Variants in FNDC3A observed in about 807,000 individuals in gnomAD.
FNDC3A encodes the protein fibronectin type III domain containing 3A.
A neutral mutation model predicts 148.9 loss-of-function variants in FNDC3A; 32 were observed. The ratio of observed to expected loss-of-function variants is 0.21; its 90% CI spans 0.16 to 0.29. The LOEUF is 0.29. FNDC3A is among the 10% of genes least tolerant of loss of function. The pLI is 1.00. For synonymous variants in FNDC3A, 472 were observed against 473.6 expected (o/e 1.00, Z 0.04); for missense variants, 1,191 against 1,452.8 (o/e 0.82, Z 2.93).
intron 1 of FNDC3A, among the ~76,000 whole-genome samples, chr13:48,992,164 T>C (rs1951933272): frequency 6.6e-6 from 1 of 152,176 alleles, no homozygotes; most frequent in African/African-American, 2.4e-5. Context: ...CCCCTCTCAA[T>C]GGAAAGTAGA....
intron 8 of FNDC3A, 169 bp downstream of exon 8, chr13:49,146,104 A>G: frequency 1.8e-6 from 1 of 552,010 alleles, no homozygotes; most frequent in Non-Finnish European, 3.1e-6. Flanking sequence ...AGCTTGGTAC[A>G]CATTTCTGTC....
intron 16 of FNDC3A, among the ~76,000 whole-genome samples, chr13:49,188,202 G>A (rs1361543694): frequency 6.6e-6 from 1 of 152,058 alleles, no homozygotes; most frequent in Non-Finnish European, 1.5e-5. Flanking sequence ...TGTACTCTTT[G>A]TATGCTATAA....
intron 11 of FNDC3A, among the ~76,000 whole-genome samples, chr13:49,173,628 G>A (rs1006337915): frequency 6.6e-6 from 1 of 152,136 alleles, no homozygotes; most frequent in Non-Finnish European, 1.5e-5. Context: ...ATGGTGTCTG[G>A]CTCGGGGCAA....
intron 2 of FNDC3A, among the ~76,000 whole-genome samples, chr13:49,070,525 G>A (rs144890899): frequency 1.1e-4 from 16 of 152,144 alleles, no homozygotes; most frequent in Admixed American, 5.2e-4. Flanking sequence ...GATCAAATTA[G>A]GATAATTGGG....
intron 1 of FNDC3A, among the ~76,000 whole-genome samples, chr13:48,989,320 C>T (rs1050832628): frequency 1.3e-5 from 2 of 152,144 alleles, no homozygotes. Flanking sequence ...GTTCAAATTA[C>T]TGAGTCTGCA....
Position 49,178,583 on chromosome 13 carries a change from C to T in FNDC3A, c.1546C>T (p.Pro516Ser). Residue 516 changes from proline to serine, a missense_variant, in exon 14 of 26, where the codon CCT becomes TCT. Physicochemically the swap from Pro to Ser is moderately conservative, Grantham distance 74 (BLOSUM62 -1). Transcript: ENST00000492622. ...EEETSGYGFK[P>S]KYDGEDLAYT... ...CCTTTTCCAGGGATATGGTTTTAAGCCTAAATATGATGGAGAAGATCTTGC... is the reference window on the plus strand; with the variant it reads ...CCTTTTCCAGGGATATGGTTTTAAGTCTAAATATGATGGAGAAGATCTTGC... The T allele has an allele frequency of 6.3e-7, 1 of 1,592,900 alleles. No individual in the cohort carries two copies. Among genetic ancestry groups the T allele is most frequent in the Non-Finnish European group, 8.6e-7 (1 of 1,168,108 alleles).
intron 8 of FNDC3A, among the ~76,000 whole-genome samples, chr13:49,154,409 G>C (rs1399916164): frequency 6.8e-6 from 1 of 147,476 alleles, no homozygotes; most frequent in African/African-American, 2.5e-5. Context: ...TCAGCTTAAG[G>C]AGATTTTGGG....
rs190130507 is a variant in FNDC3A at position 49,186,215 on chromosome 13, A to G, written c.1756+113A>G. The stretch of plus-strand genomic sequence containing the variant: ...TAAATTTGTTATCTCAAGCCAGTCC[A>G]AAAAGAAATGTGAGAGTCATTCATT... On this transcript the variant is annotated intron_variant, in intron 15 of 25. Transcript: ENST00000492622. 157 of 859,292 alleles carry G rather than the reference A, an allele frequency of 1.8e-4. No homozygotes were observed. In the African/African-American group the frequency reaches 2.4e-3, roughly 13 times the overall value. 53.2% of individuals were successfully genotyped at this position (859,292 alleles called of 1,614,324 possible). A position where few individuals can be genotyped will look rare whatever the true frequency, so the allele number is the denominator to read the frequency against.
intron 2 of FNDC3A, among the ~76,000 whole-genome samples, chr13:49,010,450 C>T (rs1952317044): frequency 6.6e-6 from 1 of 152,094 alleles, no homozygotes; most frequent in South Asian, 2.1e-4. Context: ...CAAGTGAGGC[C>T]ACAGGTGCCA....
chr13:49,207,597 GT>G lies in FNDC3A; in HGVS notation c.*210del. ...TGCAAGCCACAAAAATATCAATTTTGTTTTTTTTGTTAGGGTGGGTCTTCTT... is the reference window on the plus strand; with the variant it reads ...TGCAAGCCACAAAAATATCAATTTTGTTTTTTTGTTAGGGTGGGTCTTCTT... On this transcript the variant is annotated 3_prime_UTR_variant, in exon 26 of 26. Transcript: ENST00000492622. The G allele has an allele frequency of 3.7e-5, 16 of 431,266 alleles. No homozygotes were observed. The highest frequency in any genetic ancestry group is 1.1e-4 in the East Asian group (3 of 26,930). The allele number at this position is 431,266 out of a possible 1,614,324, so 26.7% of individuals were successfully genotyped here. A position where few individuals can be genotyped will look rare whatever the true frequency, so the allele number is the denominator to read the frequency against.
chr13:48,999,062 C>G (rs1182422742), intron 1 of FNDC3A, among the ~76,000 whole-genome samples: 1 of 152,230 alleles, frequency 6.6e-6, no homozygotes, highest in Non-Finnish European at 1.5e-5. Flanking sequence ...GCTTCCACCT[C>G]AGCTTTAAAG....
At chr13:49,148,761 A>G (rs962217199) in intron 8 of FNDC3A, among the ~76,000 whole-genome samples, 5 of 152,174 alleles carry the variant, frequency 3.3e-5, no homozygotes, top group African/African-American at 1.2e-4. Flanking sequence ...GTATTTTGAT[A>G]GGGATTCCAT....
At chr13:49,086,488 T>A (rs1593570828) in intron 3 of FNDC3A, among the ~76,000 whole-genome samples, 1 of 152,234 alleles carries the variant, frequency 6.6e-6, no homozygotes, top group Non-Finnish European at 1.5e-5. Context: ...ATTTTAATAA[T>A]ACGGAGATTG....
intron 19 of FNDC3A, among the ~76,000 whole-genome samples, chr13:49,192,942 A>G (rs575308597): frequency 6.6e-6 from 1 of 152,324 alleles, no homozygotes; most frequent in South Asian, 2.1e-4. Flanking sequence ...TCAGCATGCT[A>G]GAATGGTGAA....
intron 4 of FNDC3A, among the ~76,000 whole-genome samples, chr13:49,127,317 A>T (rs527576403): frequency 2.2e-4 from 33 of 152,350 alleles, no homozygotes; most frequent in Admixed American, 1.2e-3. Flanking sequence ...CACTACTTGT[A>T]TGAGCCACCA....
intron 2 of FNDC3A, among the ~76,000 whole-genome samples, chr13:49,073,825 A>G (rs1338941974): frequency 6.8e-6 from 1 of 147,198 alleles, no homozygotes; most frequent in African/African-American, 2.5e-5. Flanking sequence ...ATGTGTATAT[A>G]TTATATATAT....
chr13:49,151,351 T>G (rs576196980), intron 8 of FNDC3A, among the ~76,000 whole-genome samples: 2 of 152,328 alleles, frequency 1.3e-5, no homozygotes, highest in East Asian at 3.9e-4. Context: ...TTGTCTCTTT[T>G]TACTGTTTTT....
chr13:49,118,655 T>G (rs1326088346), intron 4 of FNDC3A, among the ~76,000 whole-genome samples: 1 of 152,122 alleles, frequency 6.6e-6, no homozygotes, highest in African/African-American at 2.4e-5. Context: ...CCTGGGACAC[T>G]CAAGCTTGAT....
At chr13:49,115,191 G>C (rs554683151) in intron 4 of FNDC3A, among the ~76,000 whole-genome samples, 6 of 123,602 alleles carry the variant, frequency 4.9e-5, no homozygotes, top group African/African-American at 2.1e-4. Context: ...TGAGGGGGGG[G>C]GGGAAATAAA....
Sources: allele counts gnomAD v4.1 joint callset (sites outside exome capture counted in the v4.1 genomes callset), GRCh38; gene constraint gnomAD v4.1.1; transcripts MANE v1.5; gene names NCBI Gene and HGNC (gene_info 2026-07-23, HGNC 2026-07-21).